The following SMARCD3 variants were observed in gnomAD, a reference collection of about 807,000 sequenced individuals.
The protein encoded by SMARCD3 is SWI/SNF-related matrix-associated actin-dependent regulator of chromatin subfamily D member 3.
Under a neutral mutation model 58.0 loss-of-function variants are expected in SMARCD3, and 14 were observed. The observed-to-expected ratio is 0.24, with a 90% CI of 0.16 to 0.38. SMARCD3 has a LOEUF of 0.38. Among genes scored for constraint, SMARCD3 ranks in the 10% least tolerant of loss-of-function variants. SMARCD3 has a pLI of 1.00. For synonymous variants in SMARCD3, 253 were observed against 253.8 expected (o/e 1.00, Z 0.03); for missense variants, 408 against 636.9 (o/e 0.64, Z 3.87).
intron 8 of SMARCD3, chr7:151,240,818 C>G: frequency 2.5e-6 from 1 of 405,434 alleles, no homozygotes; most frequent in Non-Finnish European, 4.5e-6. Context: ...AAGTTAACAC[C>G]TCAGGGCTCA....
intron 2 of SMARCD3, among the ~76,000 whole-genome samples, chr7:151,257,678 C>T (rs375295043): frequency 1.3e-5 from 2 of 152,276 alleles, no homozygotes; most frequent in South Asian, 2.1e-4. Flanking sequence ...AGGGAGGACA[C>T]TTTCCCCTCT....
upstream of SMARCD3, among the ~76,000 whole-genome samples, chr7:151,251,658 A>T (rs1803514646): frequency 6.6e-6 from 1 of 151,770 alleles, no homozygotes; most frequent in Non-Finnish European, 1.5e-5. Flanking sequence ...GATTCCTCCC[A>T]GCGCAATAGG....
intron 2 of SMARCD3, among the ~76,000 whole-genome samples, chr7:151,256,309 C>T (rs1803697742): frequency 6.6e-6 from 1 of 151,784 alleles, no homozygotes; most frequent in Non-Finnish European, 1.5e-5. Flanking sequence ...TAGCTGGGAC[C>T]ACAGGTGCAC....
upstream of SMARCD3, among the ~76,000 whole-genome samples, chr7:151,276,900 G>A (rs146512661): frequency 4.2e-3 from 486 of 116,588 alleles, 2 homozygotes; most frequent in Non-Finnish European, 7.6e-3. Flanking sequence ...GCAGGGAGGA[G>A]AAGGGATGCC....
At chr7:151,256,619 G>A (rs1241772040) in intron 2 of SMARCD3, among the ~76,000 whole-genome samples, 1 of 152,198 alleles carries the variant, frequency 6.6e-6, no homozygotes, top group Non-Finnish European at 1.5e-5. Flanking sequence ...AGCTGGCATC[G>A]TGCTGCCCGG....
At position 151,239,517 on chromosome 7, in the gene SMARCD3, G is replaced by C. The variant is rs771286560; in HGVS notation, c.1297-20C>G. The stretch of plus-strand genomic sequence containing the variant: ...CATCACCTGGGAGGGAGCGTGGGGT[G>C]AGCCCTGAGCCCTGAATCCCCTCAC... On this transcript the variant is annotated intron_variant, in intron 11 of 12. Transcript: ENST00000262188. This position sits in a 1 kb window ranked among gnomAD's most constrained non-coding sequence, Gnocchi z 7.0. 6.2e-7 allele frequency: 1 copy of C among 1,608,988 alleles called. No individual in the cohort carries two copies. Among genetic ancestry groups the C allele is most frequent in the Non-Finnish European group, 8.5e-7 (1 of 1,175,804 alleles).
chr7:151,265,264 G>A (rs1804045459), intron 2 of SMARCD3, among the ~76,000 whole-genome samples: 1 of 152,186 alleles, frequency 6.6e-6, no homozygotes, highest in African/African-American at 2.4e-5. Flanking sequence ...TACAAGAAAG[G>A]GAAATTTGGG....
Position 151,248,451 on chromosome 7 carries a change from G to A in SMARCD3, c.78+34C>T, listed in dbSNP as rs1563664809. The A allele has an allele frequency of 1.3e-6, 2 of 1,573,098 alleles. No individual in the cohort carries two copies. The highest frequency in any genetic ancestry group is 8.7e-7 in the Non-Finnish European group (1 of 1,145,168). On this transcript the variant is annotated intron_variant, in intron 1 of 12. Coordinates refer to ENST00000262188, the MANE Select transcript of SMARCD3 (RefSeq NM_001003801.2). This position sits in a 1 kb window ranked among gnomAD's most constrained non-coding sequence, Gnocchi z 6.1. ...CCCTCCATTCAGCCCGAGCCAGCTC[G>A]CTTGCCCTCCCCCGCTAACTTTCCC...
In SMARCD3 at chr7:151,246,237, GC is replaced by G. The variant is rs1394299585; in HGVS notation, c.79-567del. The G allele has an allele frequency of 6.5e-6, 1 of 153,050 alleles. No homozygotes were observed. Among genetic ancestry groups the G allele is most frequent in the African/African-American group, 2.4e-5 (1 of 41,376 alleles). 9.5% of individuals were successfully genotyped at this position (153,050 alleles called of 1,614,324 possible). On this transcript the variant is annotated intron_variant, in intron 1 of 12. Transcript: ENST00000262188. The surrounding 1 kb of genome is among the most constrained non-coding windows in gnomAD (Gnocchi z 4.4). Reference sequence around the variant, plus strand: ...TCCTCCTCCTGCTCCTCCTTCTCAGGCTCCACTTCTTGGGCGGTTCTGCCTG... The same window carrying G: ...TCCTCCTCCTGCTCCTCCTTCTCAGGTCCACTTCTTGGGCGGTTCTGCCTG...
chr7:151,245,863 G>A lies in SMARCD3; in HGVS notation c.79-192C>T. 1 of 381,704 alleles carries A rather than the reference G, an allele frequency of 2.6e-6. No homozygotes were observed. The highest frequency in any genetic ancestry group is 3.7e-5 in the East Asian group (1 of 26,816). The allele number at this position is 381,704 out of a possible 1,614,324, so 23.6% of individuals were successfully genotyped here. Reference sequence around the variant, plus strand: ...CCGGAATCTGCGCGGCTCTGGCGGAGGGGCTTGGCGTCTGGCTGCAGGAAG... The same window carrying A: ...CCGGAATCTGCGCGGCTCTGGCGGAAGGGCTTGGCGTCTGGCTGCAGGAAG... On this transcript the variant is annotated intron_variant, in intron 1 of 12. Transcript: ENST00000262188. This position sits in a 1 kb window ranked among gnomAD's most constrained non-coding sequence, Gnocchi z 6.2.
In SMARCD3 at chr7:151,242,826, G is replaced by A. The variant is rs61730149; in HGVS notation, c.351C>T (p.Pro117=). ...ILPQRIRELV[P]ESQAYMDLLA... is the part of the protein sequence containing the mutation. ...AGAGGTCCATGTAAGCCTGGGACTC[G>A]GGGACCAGCTCCCGAATCTGGAGAA... is the stretch of plus-strand genomic sequence containing the variant. The change falls in exon 4 of 13, where the codon CCC becomes CCT. Residue 117 remains proline, a synonymous_variant. Transcript: ENST00000262188. This position sits in a 1 kb window ranked among gnomAD's most constrained non-coding sequence, Gnocchi z 4.7. 1,751 of 1,614,088 alleles carry A rather than the reference G, an allele frequency of 1.1e-3. 3 individuals carry two copies. The African/African-American group carries it at 0.015, about 14-fold the overall frequency.
chr7:151,258,651 T>G (rs1021086116), intron 2 of SMARCD3, among the ~76,000 whole-genome samples: 3 of 151,964 alleles, frequency 2.0e-5, no homozygotes, highest in Non-Finnish European at 2.9e-5. Flanking sequence ...CCTTCCATCT[T>G]ATTCCGAGCA....
upstream of SMARCD3, among the ~76,000 whole-genome samples, chr7:151,250,360 G>GA (rs957612356): frequency 2.0e-5 from 3 of 151,930 alleles, no homozygotes; most frequent in Non-Finnish European, 4.4e-5. Flanking sequence ...CAGAGCCTGG[G>GA]CCCTGACACG....
At chr7:151,262,064 A>G (rs1563685863) in intron 2 of SMARCD3, among the ~76,000 whole-genome samples, 1 of 150,416 alleles carries the variant, frequency 6.6e-6, no homozygotes. Context: ...AGAAGCCACC[A>G]CATGTAGCAC....
Position 151,248,436 on chromosome 7 carries a change from A to C in SMARCD3, c.78+49T>G, listed in dbSNP as rs376386922. On this transcript the variant is annotated intron_variant, in intron 1 of 12. Coordinates refer to ENST00000262188, the MANE Select transcript of SMARCD3 (RefSeq NM_001003801.2). This position sits in a 1 kb window ranked among gnomAD's most constrained non-coding sequence, Gnocchi z 6.1. ...GCCCCTCCCGATCAGCCCTCCATTC[A>C]GCCCGAGCCAGCTCGCTTGCCCTCC... The C allele has an allele frequency of 1.3e-6, 2 of 1,508,418 alleles. No homozygotes were observed. The highest frequency in any genetic ancestry group is 1.8e-6 in the Non-Finnish European group (2 of 1,089,268). 93.4% of individuals were successfully genotyped at this position (1,508,418 alleles called of 1,614,324 possible). A position where few individuals can be genotyped will look rare whatever the true frequency, so the allele number is the denominator to read the frequency against.
chr7:151,239,089 T>C lies in SMARCD3; in HGVS notation c.*14A>G. On this transcript the variant is annotated 3_prime_UTR_variant, in exon 13 of 13. Transcript: ENST00000262188. The surrounding 1 kb of genome is among the most constrained non-coding windows in gnomAD (Gnocchi z 7.0). ...ACGGCTGAAAGTTCCGTCGTGCTGC[T>C]TATTTTTGGGCTCCTAGGTGTTGCG... is the stretch of plus-strand genomic sequence containing the variant. 3 of 1,613,924 alleles carry C rather than the reference T, an allele frequency of 1.9e-6. No individual in the cohort carries two copies. Among genetic ancestry groups the C allele is most frequent in the East Asian group, 2.2e-5 (1 of 44,886 alleles).
At chr7:151,263,702 T>C (rs1417318991) in intron 2 of SMARCD3, among the ~76,000 whole-genome samples, 1 of 152,234 alleles carries the variant, frequency 6.6e-6, no homozygotes, top group Non-Finnish European at 1.5e-5. Context: ...CTGCATTTTT[T>C]TCTGTCATCA....
chr7:151,273,435 C>A (rs540405240), intron 2 of SMARCD3, among the ~76,000 whole-genome samples: 7 of 152,324 alleles, frequency 4.6e-5, no homozygotes, highest in African/African-American at 1.7e-4. Context: ...ACGTGGGGGA[C>A]CACTTCAGGT....
chr7:151,251,743 C>T (rs992906489), upstream of SMARCD3, among the ~76,000 whole-genome samples: 24 of 151,842 alleles, frequency 1.6e-4, no homozygotes, highest in Admixed American at 1.5e-3. Flanking sequence ...GCGCCGCAGT[C>T]CCCCCTGCCG....
Sources: gnomAD v4.1 joint callset for allele counts (sites outside exome capture counted in the v4.1 genomes callset) on GRCh38, gnomAD v4.1.1 for gene constraint, Gnocchi (gnomAD v3.1) non-coding constraint, MANE v1.5 for transcripts, NCBI Gene and HGNC (gene_info 2026-07-23, HGNC 2026-07-21) for gene names.